CIT: variants seen among roughly 807,000 people sequenced by gnomAD.
CIT encodes citron Rho-interacting kinase.
Under a neutral mutation model 272.7 loss-of-function variants are expected in CIT, and 79 were observed. The ratio of observed to expected loss-of-function variants is 0.29; its 90% confidence interval spans 0.24 to 0.35. CIT has a LOEUF of 0.35. Ranked by LOEUF, CIT falls within the 10% of genes least tolerant of loss-of-function variation. The pLI is 1.00. For synonymous variants in CIT, 948 were observed against 995.6 expected (o/e 0.95, Z 0.90); for missense variants, 1,909 against 2,618.3 (o/e 0.73, Z 5.91).
At chr12:119,801,748 CA>C (rs1487784587) in intron 10 of CIT, among the ~76,000 whole-genome samples, 1 of 152,232 alleles carries the variant, frequency 6.6e-6, no homozygotes, top group Non-Finnish European at 1.5e-5. Flanking sequence ...TGAGCCGTTT[CA>C]AACCCATCTG....
chr12:119,827,320 A>G (rs1346865460), intron 7 of CIT, among the ~76,000 whole-genome samples: 1 of 152,120 alleles, frequency 6.6e-6, no homozygotes, highest in Non-Finnish European at 1.5e-5. Context: ...GAGAAGACTT[A>G]ATATGTTGGG....
chr12:119,712,491 C>G lies in CIT; in HGVS notation c.4684+100G>C. ...GCGGGGAGCGGAGGAAGATGGGCCT[C>G]CTTTGCAGAGCCAATCTTCCCTGTA... On this transcript the variant is annotated intron_variant, in intron 36 of 47. Transcript: ENST00000392521. This position sits in a 1 kb window ranked among gnomAD's most constrained non-coding sequence, Gnocchi z 5.2. 1 of 1,397,850 alleles carries G rather than the reference C, an allele frequency of 7.2e-7. No individual in the cohort carries two copies. The highest frequency in any genetic ancestry group is 1.4e-5 in the African/African-American group (1 of 70,358). The allele number at this position is 1,397,850 out of a possible 1,614,324, so 86.6% of individuals were successfully genotyped here.
intron 4 of CIT, among the ~76,000 whole-genome samples, chr12:119,853,941 C>T (rs889386506): frequency 3.3e-5 from 5 of 152,052 alleles, no homozygotes; most frequent in South Asian, 2.1e-4. Flanking sequence ...AATCCCAACA[C>T]TTTGGGAGGG....
chr12:119,874,421 A>T (rs1463924408), intron 2 of CIT, among the ~76,000 whole-genome samples: 1 of 152,164 alleles, frequency 6.6e-6, no homozygotes, highest in Non-Finnish European at 1.5e-5. Context: ...TAATGCAGCT[A>T]ACTAGTGCTG....
intron 24 of CIT, among the ~76,000 whole-genome samples, chr12:119,738,925 GA>G (rs1267789346): frequency 7.0e-6 from 1 of 143,732 alleles, no homozygotes; most frequent in Admixed American, 7.0e-5. Context: ...GTGTCAAAAA[GA>G]AAAAAAAACA....
In CIT at chr12:119,697,048, G is replaced by A. The variant is rs1445351745; in HGVS notation, c.5882+611C>T. ...AGGTCTCGCATTCCAGGGAAGGCAC[G>A]AGGCTGGCCAGGAGTCCCTGACCTG... On this transcript the variant is annotated intron_variant, in intron 46 of 47. Coordinates refer to ENST00000392521, the MANE Select transcript of CIT (RefSeq NM_001206999.2). This position sits in a 1 kb window ranked among gnomAD's most constrained non-coding sequence, Gnocchi z 4.9. 6.6e-6 allele frequency among the ~76,000 whole-genome samples: 1 copy of A among 152,092 alleles called. No homozygotes were observed. The highest frequency in any genetic ancestry group is 1.5e-5 in the Non-Finnish European group (1 of 68,020).
At chr12:119,829,887 A>C (rs3847959) in intron 7 of CIT, among the ~76,000 whole-genome samples, 91,990 of 151,684 alleles carry the variant, frequency 0.61, 28,594 homozygotes, top group East Asian at 0.84. Flanking sequence ...ATACGAAGAT[A>C]TTACGTGGGG....
chr12:119,725,415 G>C (rs543328534), intron 28 of CIT, among the ~76,000 whole-genome samples: 10 of 152,254 alleles, frequency 6.6e-5, no homozygotes, highest in African/African-American at 2.4e-4. Context: ...GAGAGAGCAA[G>C]ACTCTGTCTC....
intron 30 of CIT, among the ~76,000 whole-genome samples, chr12:119,719,577 T>C (rs1174055547): frequency 1.3e-5 from 2 of 152,074 alleles, no homozygotes; most frequent in Non-Finnish European, 2.9e-5. Context: ...GCAGCCAACG[T>C]CTAGTGGGAG....
chr12:119,721,542 G>T, intron 28 of CIT, 93 bp from the exon 29 acceptor site: 2 of 1,181,912 alleles, frequency 1.7e-6, no homozygotes, highest in Non-Finnish European at 1.2e-6. Context: ...TTCAGGCATG[G>T]CACCAGAAGT....
intron 20 of CIT, among the ~76,000 whole-genome samples, chr12:119,758,981 C>G (rs930237874): frequency 6.6e-6 from 1 of 152,202 alleles, no homozygotes; most frequent in Non-Finnish European, 1.5e-5. Context: ...AGTAATCAGG[C>G]CTTGTTAAAC....
intron 4 of CIT, among the ~76,000 whole-genome samples, chr12:119,853,342 T>A (rs1489526518): frequency 8.8e-5 from 13 of 147,902 alleles, no homozygotes; most frequent in African/African-American, 2.8e-4. Context: ...AAAAAAAAAA[T>A]GGTTACTGTT....
chr12:119,722,044 CAG>C (rs1957834846), intron 28 of CIT, among the ~76,000 whole-genome samples: 1 of 152,154 alleles, frequency 6.6e-6, no homozygotes, highest in Admixed American at 6.5e-5. Context: ...AGTTATAGTA[CAG>C]AGTGTTGGTA....
chr12:119,800,182 C>T (rs1966071612), intron 10 of CIT, among the ~76,000 whole-genome samples: 1 of 152,136 alleles, frequency 6.6e-6, no homozygotes, highest in Admixed American at 6.5e-5. Flanking sequence ...GCCAGGCATT[C>T]AGAGCTTGGG....
intron 26 of CIT, among the ~76,000 whole-genome samples, chr12:119,733,542 AAC>A (rs1170900959): frequency 8.6e-5 from 13 of 151,166 alleles, no homozygotes; most frequent in African/African-American, 2.9e-4. Context: ...AAAAAAAAAA[AAC>A]AAAAAAAACC....
intron 22 of CIT, among the ~76,000 whole-genome samples, chr12:119,752,639 G>A (rs910205757): frequency 2.6e-5 from 4 of 152,168 alleles, no homozygotes; most frequent in East Asian, 1.9e-4. Context: ...TTTTCAATTC[G>A]ATTGTAAATG....
chr12:119,834,365 T>C, intron 5 of CIT, 137 bp from the exon 6 acceptor site: 1 of 733,140 alleles, frequency 1.4e-6, no homozygotes, highest in South Asian at 2.0e-5. Context: ...AGGCACGCTG[T>C]AAGTCATGTA....
At chr12:119,825,097 G>T in intron 8 of CIT, 68 bp downstream of exon 8, 1 of 1,430,046 alleles carries the variant, frequency 7.0e-7, no homozygotes, top group South Asian at 1.3e-5. Context: ...ACCACGCCCA[G>T]CCTCATTCGC....
At chr12:119,781,702 T>A (rs1451647791) in intron 13 of CIT, among the ~76,000 whole-genome samples, 3 of 152,232 alleles carry the variant, frequency 2.0e-5, no homozygotes, top group Non-Finnish European at 4.4e-5. Context: ...AAGGTCTCGA[T>A]TCTCCTTTCT....
Sources: gnomAD v4.1 joint callset for allele counts (sites outside exome capture counted in the v4.1 genomes callset) on GRCh38, gnomAD v4.1.1 for gene constraint, Gnocchi (gnomAD v3.1) non-coding constraint, MANE v1.5 for transcripts, NCBI Gene and HGNC (gene_info 2026-07-23, HGNC 2026-07-21) for gene names.